Variants in RASA3 observed in about 807,000 individuals in gnomAD.
The protein encoded by RASA3 is ras GTPase-activating protein 3.
A neutral mutation model predicts 110.0 loss-of-function variants in RASA3; 73 were observed. The ratio of observed to expected loss-of-function variants is 0.66; its 90% confidence interval spans 0.55 to 0.81. The LOEUF (loss-of-function observed/expected upper bound fraction) is 0.81. Among genes scored for constraint, RASA3 ranks in the 30% least tolerant of loss-of-function variants. The pLI, the probability that RASA3 is intolerant of heterozygous loss-of-function variation, is 0.00. For synonymous variants in RASA3, 500 were observed against 451.4 expected (o/e 1.11, Z -1.37); for missense variants, 976 against 1,113.2 (o/e 0.88, Z 1.75).
At chr13:114,015,935 C>T (rs1043683088) in intron 13 of RASA3, among the ~76,000 whole-genome samples, 5 of 152,040 alleles carry the variant, frequency 3.3e-5, no homozygotes, top group African/African-American at 7.2e-5. Context: ...GCATGCAGAC[C>T]GGATCACTCC....
chr13:114,018,643 G>T, intron 10 of RASA3, 120 bp downstream of exon 10: 1 of 1,267,556 alleles, frequency 7.9e-7, no homozygotes, highest in Non-Finnish European at 1.1e-6. Context: ...CAGGCTGGGA[G>T]GCGTGGGAAA....
At chr13:114,047,594 C>T (rs2079074228) in intron 3 of RASA3, among the ~76,000 whole-genome samples, 1 of 152,264 alleles carries the variant, frequency 6.6e-6, no homozygotes, top group Non-Finnish European at 1.5e-5. Context: ...ACACAAAGAC[C>T]TATCCGAGAA....
At chr13:114,080,081 C>T (rs192375698) in intron 1 of RASA3, among the ~76,000 whole-genome samples, 47 of 152,294 alleles carry the variant, frequency 3.1e-4, no homozygotes, top group Non-Finnish European at 5.0e-4. Context: ...TGGGCCGAGT[C>T]GAGGGCAGAC....
At chr13:113,982,287 G>A (rs1289336433) in intron 22 of RASA3, among the ~76,000 whole-genome samples, 3 of 152,244 alleles carry the variant, frequency 2.0e-5, no homozygotes, top group Non-Finnish European at 4.4e-5. Context: ...AGTCAGCTGA[G>A]GGAGTGAGCA....
At chr13:113,990,325 C>T (rs544646826) in intron 22 of RASA3, among the ~76,000 whole-genome samples, 183 of 152,290 alleles carry the variant, frequency 1.2e-3, no homozygotes, top group African/African-American at 4.2e-3. Context: ...CAGCCTGATG[C>T]GCAAGGGTGT....
At chr13:114,074,542 A>T (rs928242782) in intron 1 of RASA3, among the ~76,000 whole-genome samples, 2 of 151,978 alleles carry the variant, frequency 1.3e-5, no homozygotes, top group Non-Finnish European at 2.9e-5. Flanking sequence ...TTTTATTTTG[A>T]ATTTTATTTT....
intron 2 of RASA3, among the ~76,000 whole-genome samples, chr13:114,059,059 T>C (rs999645462): frequency 6.6e-6 from 1 of 152,164 alleles, no homozygotes; most frequent in Non-Finnish European, 1.5e-5. Flanking sequence ...TTAGATGGGT[T>C]TGGTGGCGCA....
chr13:114,036,398 C>G (rs2054278636), intron 4 of RASA3, among the ~76,000 whole-genome samples: 1 of 152,248 alleles, frequency 6.6e-6, no homozygotes, highest in African/African-American at 2.4e-5. Context: ...TGTCCGGACA[C>G]AGGACTGTTC....
chr13:114,050,871 G>T (rs1214449271), intron 3 of RASA3, among the ~76,000 whole-genome samples: 1 of 152,228 alleles, frequency 6.6e-6, no homozygotes, highest in Non-Finnish European at 1.5e-5. Flanking sequence ...TCACTTCTGT[G>T]TGCCAAGCAC....
intron 1 of RASA3, among the ~76,000 whole-genome samples, chr13:114,128,019 C>T (rs2080472963): frequency 2.6e-5 from 4 of 152,248 alleles, no homozygotes; most frequent in Admixed American, 1.3e-4. Flanking sequence ...TGAACCTGCC[C>T]CTGCCGGAGC....
chr13:114,039,504 C>T (rs910844107), intron 4 of RASA3, among the ~76,000 whole-genome samples: 1 of 152,230 alleles, frequency 6.6e-6, no homozygotes, highest in Non-Finnish European at 1.5e-5. Context: ...TGCCGCAACC[C>T]TACACTCAGA....
At chr13:114,080,938 T>G (rs12865452) in intron 1 of RASA3, among the ~76,000 whole-genome samples, 520 of 94,824 alleles carry the variant, frequency 5.5e-3, no homozygotes, top group Admixed American at 0.034. Context: ...AGAACACCAA[T>G]AGTGCCCCTC....
intron 7 of RASA3, among the ~76,000 whole-genome samples, chr13:114,026,596 G>A (rs1328078332): frequency 1.3e-5 from 2 of 152,122 alleles, no homozygotes; most frequent in African/African-American, 2.4e-5. Context: ...ACTCTCCTAC[G>A]GTCCCCTGAG....
chr13:114,074,743 A>G (rs2079638652), intron 1 of RASA3, among the ~76,000 whole-genome samples: 1 of 152,134 alleles, frequency 6.6e-6, no homozygotes, highest in Non-Finnish European at 1.5e-5. Flanking sequence ...AAGTGGGGCC[A>G]GTTCCTGGCT....
chr13:114,087,461 ACCT>A (rs2079835754), intron 1 of RASA3, among the ~76,000 whole-genome samples: 1 of 152,184 alleles, frequency 6.6e-6, no homozygotes, highest in African/African-American at 2.4e-5. Context: ...CCACGCAGAG[ACCT>A]CCTGGAGATG....
At position 114,057,216 on chromosome 13, in the gene RASA3, AT is replaced by A; in HGVS notation, c.174-5062del. On this transcript the variant is annotated intron_variant, in intron 2 of 23. Coordinates refer to ENST00000334062, the MANE Select transcript of RASA3 (RefSeq NM_007368.4). This position sits in a 1 kb window ranked among gnomAD's most constrained non-coding sequence, Gnocchi z 5.0. ...CATATAACTTTTTAAACTTAAAGTA[AT>A]AAAGTTATTACTAACTTTGTTTCCT... 4 of 985,398 alleles carry A rather than the reference AT, an allele frequency of 4.1e-6. No homozygotes were observed. Among genetic ancestry groups the A allele is most frequent in the Non-Finnish European group, 4.8e-6 (4 of 829,886 alleles). The allele number at this position is 985,398 out of a possible 1,614,324, so 61.0% of individuals were successfully genotyped here. A position where few individuals can be genotyped will look rare whatever the true frequency, so the allele number is the denominator to read the frequency against.
At chr13:114,009,909 C>T (rs1396874570) in intron 16 of RASA3, among the ~76,000 whole-genome samples, 1 of 152,202 alleles carries the variant, frequency 6.6e-6, no homozygotes, top group Non-Finnish European at 1.5e-5. Flanking sequence ...CTCCATCACA[C>T]GGGGAAGTGG....
At chr13:114,123,141 C>A (rs9314899) in intron 1 of RASA3, among the ~76,000 whole-genome samples, 92,095 of 152,014 alleles carry the variant, frequency 0.61, 28,308 homozygotes, top group East Asian at 0.91. Context: ...GGAGGGGGGC[C>A]GGAAACATGT....
rs560016503 is a variant in RASA3, at chr13:114,096,867, A to G, written c.56-23030T>C. Among the ~76,000 whole-genome samples, 1 of 151,972 alleles carries G rather than the reference A, an allele frequency of 6.6e-6. No individual in the cohort carries two copies. The highest frequency in any genetic ancestry group is 2.4e-5 in the African/African-American group (1 of 41,348). On this transcript the variant is annotated intron_variant, in intron 1 of 23. Transcript: ENST00000334062. The surrounding 1 kb of genome is among the most constrained non-coding windows in gnomAD (Gnocchi z 5.1). ...GCTCCCTCGGACGTACTCGCCCTAC[A>G]CCCCAGCCAAACGCACTCCGTGTTT...
Sources: allele counts gnomAD v4.1 joint callset (sites outside exome capture counted in the v4.1 genomes callset), GRCh38; gene constraint gnomAD v4.1.1; non-coding constraint Gnocchi (gnomAD v3.1); transcripts MANE v1.5; gene names NCBI Gene and HGNC (gene_info 2026-07-23, HGNC 2026-07-21).